HUWE1: variants seen among roughly 807,000 people sequenced by gnomAD.
HUWE1 encodes the protein E3 ubiquitin-protein ligase HUWE1.
A neutral mutation model predicts 299.4 loss-of-function variants in HUWE1; 18 were observed. The observed-to-expected ratio is 0.06, with a 90% CI of 0.04 to 0.09. HUWE1 has a LOEUF of 0.09. Among genes scored for constraint, HUWE1 ranks in the 10% least tolerant of loss-of-function variants. The pLI is 1.00. For missense variants in HUWE1, 1,832 were observed against 3,462.3 expected (o/e 0.53, Z 11.82); for synonymous variants, 1,317 against 1,286.1 (o/e 1.02, Z -0.51).
In HUWE1 at chrX:53,539,797, G is replaced by A. The variant is rs1556916875; in HGVS notation, c.11492C>T (p.Pro3831Leu). The change falls in exon 75 of 84, where the codon CCA becomes CTA. Residue 3831 changes from proline (P) to leucine (L), a missense_variant. Physicochemically the swap from Pro to Leu is moderately conservative, Grantham distance 98 (BLOSUM62 -3). Coordinates refer to ENST00000262854, the MANE Select transcript of HUWE1 (RefSeq NM_031407.7). ...TTCTTCCTTTTCCTTCTCCCCCTGTGGGGTTCCATCGGAGGCTGGAGGGCA... is the reference window on the plus strand; with the variant it reads ...TTCTTCCTTTTCCTTCTCCCCCTGTAGGGTTCCATCGGAGGCTGGAGGGCA... The part of the protein sequence containing the change: ...DTQSIASDGT[P>L]QGEKEKEERP... 8.3e-7 allele frequency: 1 copy of A among 1,209,793 alleles called. No homozygotes were observed. The highest frequency in any genetic ancestry group is 2.2e-5 in the Admixed American group (1 of 45,871).
chrX:53,662,050 T>A (rs1282727636), intron 3 of HUWE1, among the ~76,000 whole-genome samples: 1 of 111,881 alleles, frequency 8.9e-6, no homozygotes, highest in African/African-American at 3.3e-5. Context: ...TCAAGAGCAG[T>A]TGGATGTAGT....
rs782097389 is a variant in HUWE1 at position 53,535,517 on chromosome X, C to A, written c.12532-16G>T. On this transcript the variant is annotated splice_polypyrimidine_tract_variant and intron_variant, in intron 80 of 83. Transcript: ENST00000262854. Reference sequence around the variant, plus strand: ...ACTCTTGGACCTAGAACAACCAAAACACCAATCATACATATCAGACTTCAT... The same window carrying A: ...ACTCTTGGACCTAGAACAACCAAAAAACCAATCATACATATCAGACTTCAT... The A allele has an allele frequency of 9.6e-7, 1 of 1,042,878 alleles. No homozygotes were observed. The highest frequency in any genetic ancestry group is 2.2e-5 in the Admixed American group (1 of 45,810). 85.9% of individuals were successfully genotyped at this position (1,042,878 alleles called of 1,213,427 possible). A position where few individuals can be genotyped will look rare whatever the true frequency, so the allele number is the denominator to read the frequency against.
intron 80 of HUWE1, 150 bp from the exon 81 acceptor site, chrX:53,535,651 G>A: frequency 2.0e-6 from 1 of 505,653 alleles, no homozygotes; most frequent in South Asian, 2.6e-5. Flanking sequence ...ACTACTCATA[G>A]CTCGCAACTC....
At chrX:53,681,708 T>C (rs2070163725) in intron 2 of HUWE1, among the ~76,000 whole-genome samples, 1 of 112,186 alleles carries the variant, frequency 8.9e-6, no homozygotes, top group Non-Finnish European at 1.9e-5. Flanking sequence ...GTAGCATGAA[T>C]ACTTCAAAAC....
intron 82 of HUWE1, 80 bp downstream of exon 82, chrX:53,534,436 C>G (rs2060913646): frequency 1.1e-6 from 1 of 909,863 alleles, no homozygotes; most frequent in Non-Finnish European, 1.6e-6. Flanking sequence ...AAGAGTACTA[C>G]TGGTTTATTT....
chrX:53,564,980 A>C (rs939726067), intron 50 of HUWE1, 87 bp downstream of exon 50: 13 of 1,012,111 alleles, frequency 1.3e-5, no homozygotes, highest in Non-Finnish European at 1.7e-5. Context: ...GTTCCCAGGG[A>C]AACACCACCA....
chrX:53,580,294 A>C (rs782700077), intron 43 of HUWE1, among the ~76,000 whole-genome samples: 2 of 112,263 alleles, frequency 1.8e-5, no homozygotes, highest in Non-Finnish European at 3.8e-5. Flanking sequence ...GGTGGTGATT[A>C]TCTCTCTAGT....
intron 1 of HUWE1, 90 bp downstream of exon 1, chrX:53,686,497 TC>T (rs202021767): frequency 2.1e-4 from 23 of 110,156 alleles, no homozygotes; most frequent in Admixed American, 3.8e-4. Context: ...CCGTGGGAAC[TC>T]CCCCCCCAAC....
In HUWE1 at chrX:53,594,519, T is replaced by C. The variant is rs375952200; in HGVS notation, c.3483A>G (p.Gly1161=). 7.4e-6 allele frequency: 9 copies of C among 1,209,010 alleles called. No homozygotes were observed. Among genetic ancestry groups the C allele is most frequent in the Non-Finnish European group, 7.8e-6 (7 of 894,469 alleles). Residue 1161 remains glycine, a synonymous_variant, in exon 31 of 84, where the codon GGA becomes GGG. Transcript: ENST00000262854. ...CTTACTCAAAAAGAGCATTGTGGCC[T>C]CCGGAGCAGAGAAATTTTTGCAGCA... ...HLMLQKFLCS[G]GHNALFETFN... is the part of the protein sequence containing the mutation.
intron 19 of HUWE1, among the ~76,000 whole-genome samples, 167 bp downstream of exon 19, chrX:53,624,428 C>T (rs182487587): frequency 2.9e-4 from 33 of 112,156 alleles, no homozygotes; most frequent in African/African-American, 9.4e-4. Context: ...ACCCGGGAGG[C>T]AGAGGTTGTA....
chrX:53,595,371 G>A lies in HUWE1; in HGVS notation c.3196C>T (p.Leu1066=). ...SSRLGRALAE[L]FGLLVKLCVG... is the part of the protein sequence containing the mutation. ...CAAAGTTTAACAAGAAGTCCAAATA[G>A]CTCAGCAAGTGCTCGGCCTAATCTG... Residue 1066 remains leucine (L), a synonymous_variant, in exon 30 of 84, where the codon CTA becomes TTA. Coordinates refer to ENST00000262854, the MANE Select transcript of HUWE1 (RefSeq NM_031407.7). 1 of 1,210,545 alleles carries A rather than the reference G, an allele frequency of 8.3e-7. No homozygotes were observed. Among genetic ancestry groups the A allele is most frequent in the South Asian group, 1.8e-5 (1 of 56,836 alleles).
intron 33 of HUWE1, among the ~76,000 whole-genome samples, 152 bp downstream of exon 33, chrX:53,592,243 GAAA>G (rs2064203786): frequency 9.0e-6 from 1 of 111,140 alleles, no homozygotes; most frequent in Non-Finnish European, 1.9e-5. Flanking sequence ...TTCCTCAGGA[GAAA>G]AAAAATAAAT....
intron 43 of HUWE1, among the ~76,000 whole-genome samples, chrX:53,577,566 C>A (rs1278699563): frequency 3.6e-5 from 4 of 111,741 alleles, no homozygotes. Flanking sequence ...CCTCTGATGC[C>A]GAGCCAAAGC....
At chrX:53,596,146 G>A (rs1556984722) in intron 29 of HUWE1, among the ~76,000 whole-genome samples, 2 of 111,740 alleles carry the variant, frequency 1.8e-5, no homozygotes, top group Admixed American at 9.5e-5. Flanking sequence ...TTCATGAAAC[G>A]TTATTTCATG....
At chrX:53,632,650 G>T in intron 8 of HUWE1, 86 bp from the exon 9 acceptor site, 1 of 697,458 alleles carries the variant, frequency 1.4e-6, no homozygotes, top group Non-Finnish European at 2.3e-6. Flanking sequence ...CAAAGTCCTA[G>T]CCACTTGTTC....
chrX:53,599,605 T>TATC (rs1408966346), intron 29 of HUWE1, among the ~76,000 whole-genome samples: 1 of 112,405 alleles, frequency 8.9e-6, no homozygotes, highest in Non-Finnish European at 1.9e-5. Flanking sequence ...ATAAAACACC[T>TATC]ATCAGACTAT....
At chrX:53,614,003 G>A (rs782146398) in intron 23 of HUWE1, among the ~76,000 whole-genome samples, 174 of 112,235 alleles carry the variant, frequency 1.6e-3, no homozygotes, top group African/African-American at 5.2e-3. Context: ...GGTAGCTCAC[G>A]CCTGTAATCC....
At chrX:53,658,979 G>A (rs1172098953) in intron 3 of HUWE1, among the ~76,000 whole-genome samples, 1 of 112,659 alleles carries the variant, frequency 8.9e-6, no homozygotes, top group Non-Finnish European at 1.9e-5. Context: ...CACATCATAC[G>A]GCATCATGGA....
At chrX:53,663,286 G>T (rs782601802) in intron 3 of HUWE1, among the ~76,000 whole-genome samples, 1 of 112,513 alleles carries the variant, frequency 8.9e-6, no homozygotes, top group East Asian at 2.8e-4. Flanking sequence ...GCCGAGGCGG[G>T]TGGATCACCC....
Sources: allele counts gnomAD v4.1 joint callset (sites outside exome capture counted in the v4.1 genomes callset), GRCh38; gene constraint gnomAD v4.1.1; transcripts MANE v1.5; gene names NCBI Gene and HGNC (gene_info 2026-07-23, HGNC 2026-07-21).